The following ZCCHC7 variants were observed in gnomAD, a reference collection of about 807,000 sequenced individuals.
ZCCHC7 encodes zinc finger CCHC domain-containing protein 7.
Under a neutral mutation model 52.0 loss-of-function variants are expected in ZCCHC7, and 35 were observed. The ratio of observed to expected loss-of-function variants is 0.67; its 90% CI spans 0.51 to 0.89. The LOEUF (loss-of-function observed/expected upper bound fraction) is 0.89, where lower values mean the gene tolerates loss of function less well. ZCCHC7 is among the 40% of genes least tolerant of loss of function. The pLI, the probability that ZCCHC7 is intolerant of heterozygous loss-of-function variation, is 0.00. For synonymous variants in ZCCHC7, 217 were observed against 221.5 expected, an observed-to-expected ratio of 0.98 and a Z score of 0.18; for missense variants, 574 against 649.1, an observed-to-expected ratio of 0.88 and a Z score of 1.26.
At position 37,126,828 on chromosome 9, in the gene ZCCHC7, A is replaced by C. The variant is rs754176359; in HGVS notation, c.496A>C (p.Thr166Pro). The change falls in exon 2 of 9, where the codon ACC becomes CCC. Residue 166 changes from threonine to proline, a missense_variant. Thr to Pro is a conservative substitution (Grantham distance 38). Transcript: ENST00000336755. ...EVSSSEEEES[T>P]ISEGDNVESW... ...CAGTTCAAGTGAAGAGGAAGAGAGC[A>C]CCATTTCAGAAGGTGATAATGTGGA... is the stretch of plus-strand genomic sequence containing the variant. The C allele has an allele frequency of 6.2e-7, 1 of 1,614,188 alleles. No individual in the cohort carries two copies. The highest frequency in any genetic ancestry group is 1.7e-5 in the Admixed American group (1 of 60,028).
intron 2 of ZCCHC7, among the ~76,000 whole-genome samples, chr9:37,268,168 A>G (rs190823469): frequency 5.6e-4 from 86 of 152,320 alleles, no homozygotes; most frequent in African/African-American, 2.0e-3. Flanking sequence ...AGTGCTTAAC[A>G]CAGAGCCTAA....
chr9:37,201,623 C>T (rs1339303753), intron 2 of ZCCHC7, among the ~76,000 whole-genome samples: 1 of 152,114 alleles, frequency 6.6e-6, no homozygotes, highest in Non-Finnish European at 1.5e-5. Flanking sequence ...TCCAGTGGTC[C>T]AGAGTTACTT....
chr9:37,230,714 G>A (rs1407437845), intron 2 of ZCCHC7, among the ~76,000 whole-genome samples: 2 of 152,072 alleles, frequency 1.3e-5, no homozygotes, highest in African/African-American at 4.8e-5. Context: ...TCCTAGAACA[G>A]TATTCCATAA....
At chr9:37,186,187 A>T (rs575488813) in intron 2 of ZCCHC7, among the ~76,000 whole-genome samples, 42 of 152,208 alleles carry the variant, frequency 2.8e-4, no homozygotes, top group African/African-American at 9.6e-4. Flanking sequence ...TGAGTGTATG[A>T]TTATGTTTAG....
intron 2 of ZCCHC7, among the ~76,000 whole-genome samples, chr9:37,188,292 T>A (rs1822774242): frequency 1.3e-5 from 2 of 152,060 alleles, no homozygotes; most frequent in Admixed American, 1.3e-4. Context: ...GAACTACAGA[T>A]GTGTGCCATC....
intron 2 of ZCCHC7, chr9:37,144,795 G>A (rs1373066544): frequency 6.6e-6 from 1 of 151,956 alleles, no homozygotes; most frequent in Non-Finnish European, 1.5e-5. Context: ...ATATTACAGT[G>A]TATATGACCA....
chr9:37,298,221 A>T (rs1334791375), intron 2 of ZCCHC7, among the ~76,000 whole-genome samples: 5 of 152,216 alleles, frequency 3.3e-5, no homozygotes, highest in Non-Finnish European at 7.3e-5. Flanking sequence ...TGTAATAAAG[A>T]TAGCAGAATA....
intron 5 of ZCCHC7, among the ~76,000 whole-genome samples, chr9:37,320,615 T>C (rs2118005799): frequency 1.3e-5 from 2 of 152,332 alleles, no homozygotes; most frequent in South Asian, 2.1e-4. Flanking sequence ...CATTATCAGA[T>C]TTTTGTAGTT....
chr9:37,249,456 C>CTTTTTTTTTTTTT (rs60166399), intron 2 of ZCCHC7, among the ~76,000 whole-genome samples: 52 of 111,240 alleles, frequency 4.7e-4, no homozygotes, highest in Middle Eastern at 5.2e-3. Flanking sequence ...CTTCTTCTTC[C>CTTTTTTTTTTTTT]TTTTTTTTTT....
intron 6 of ZCCHC7, among the ~76,000 whole-genome samples, chr9:37,338,234 C>T (rs540289518): frequency 6.6e-6 from 1 of 152,174 alleles, no homozygotes; most frequent in African/African-American, 2.4e-5. Flanking sequence ...AGCTTAATAG[C>T]TCATTTTTAT....
At chr9:37,155,081 C>T (rs1392037213) in intron 2 of ZCCHC7, among the ~76,000 whole-genome samples, 1 of 151,994 alleles carries the variant, frequency 6.6e-6, no homozygotes, top group Non-Finnish European at 1.5e-5. Flanking sequence ...AGATGGCGGG[C>T]GGGGTGTAGT....
At chr9:37,303,116 A>T (rs1434546309) in intron 3 of ZCCHC7, among the ~76,000 whole-genome samples, 1 of 152,136 alleles carries the variant, frequency 6.6e-6, no homozygotes, top group Non-Finnish European at 1.5e-5. Context: ...CATGGTGTAC[A>T]TTCAGTTATA....
At chr9:37,290,773 G>A (rs1828496676) in intron 2 of ZCCHC7, among the ~76,000 whole-genome samples, 1 of 152,168 alleles carries the variant, frequency 6.6e-6, no homozygotes, top group Admixed American at 6.5e-5. Flanking sequence ...CAGAATTACT[G>A]TGTGGGTACA....
chr9:37,283,541 ATTTG>A (rs1588609879), intron 2 of ZCCHC7, among the ~76,000 whole-genome samples: 2 of 152,120 alleles, frequency 1.3e-5, no homozygotes, highest in Non-Finnish European at 2.9e-5. Flanking sequence ...GCTCTAATTT[ATTTG>A]ACCCCTCTTT....
At position 37,131,163 on chromosome 9, in the gene ZCCHC7, A is replaced by AC. The variant is rs1165018381; in HGVS notation, c.610+4225dup. On this transcript the variant is annotated intron_variant, in intron 2 of 8. Coordinates refer to ENST00000336755, the MANE Select transcript of ZCCHC7 (RefSeq NM_032226.3). ...AGACCAGCCTGGCTAACACGGTGAAACCCCGTCTCTACTAAAAATACAAAA... is the reference window on the plus strand; with the variant it reads ...AGACCAGCCTGGCTAACACGGTGAAACCCCCGTCTCTACTAAAAATACAAAA... Among the ~76,000 whole-genome samples, 4 of 151,038 alleles carry AC rather than the reference A, an allele frequency of 2.6e-5. No homozygotes were observed. In the East Asian group the frequency reaches 5.9e-4, roughly 22 times the overall value.
intron 2 of ZCCHC7, among the ~76,000 whole-genome samples, chr9:37,130,065 C>T (rs541486561): frequency 3.4e-4 from 51 of 151,996 alleles, no homozygotes; most frequent in African/African-American, 1.2e-3. Flanking sequence ...ATGGCGAAAC[C>T]CCATCTCTAC....
chr9:37,296,699 C>A (rs1025528945), intron 2 of ZCCHC7, among the ~76,000 whole-genome samples: 1 of 151,924 alleles, frequency 6.6e-6, no homozygotes, highest in Non-Finnish European at 1.5e-5. Flanking sequence ...GTTTTACTTA[C>A]TTACTTTATT....
At chr9:37,349,061 C>T (rs1002921499) in intron 6 of ZCCHC7, among the ~76,000 whole-genome samples, 1 of 152,150 alleles carries the variant, frequency 6.6e-6, no homozygotes, top group Non-Finnish European at 1.5e-5. Context: ...ATGTATATGC[C>T]TCTCATGTTC....
intron 2 of ZCCHC7, among the ~76,000 whole-genome samples, chr9:37,162,336 A>T (rs1292433482): frequency 6.6e-6 from 1 of 152,186 alleles, no homozygotes; most frequent in Non-Finnish European, 1.5e-5. Context: ...CAAGATAGTG[A>T]ACATAACCTA....
Sources: allele counts gnomAD v4.1 joint callset (sites outside exome capture counted in the v4.1 genomes callset), GRCh38; gene constraint gnomAD v4.1.1; transcripts MANE v1.5; gene names NCBI Gene and HGNC (gene_info 2026-07-23, HGNC 2026-07-21).